The following HRNR variants were observed in gnomAD, a reference collection of about 807,000 sequenced individuals.
The protein encoded by HRNR is filaggrin family member 3.
In HRNR, 7 loss-of-function variants were observed where a neutral mutation model predicts 4.8. The ratio of observed to expected loss-of-function variants is 1.47; its 90% CI spans 0.83 to 2.75. The LOEUF (loss-of-function observed/expected upper bound fraction) is 2.75. HRNR is among the 30% of genes most tolerant of loss of function. The pLI is 0.00. For missense variants in HRNR, 2,879 were observed against 3,010.4 expected, an observed-to-expected ratio of 0.96 and a Z score of 1.02; for synonymous variants, 1,023 against 1,242.7, an observed-to-expected ratio of 0.82 and a Z score of 3.72.
In HRNR at chr1:152,218,828, T is replaced by C. The variant is rs1348196407; in HGVS notation, c.2801A>G (p.His934Arg). 5.6e-6 allele frequency: 9 copies of C among 1,612,506 alleles called. No homozygotes were observed. In the Admixed American group the frequency reaches 1.0e-4, roughly 18 times the overall value. ...SGSGQSSGFG[H>R]KSSSGQSSGY... is the part of the protein sequence containing the mutation. Reference sequence around the variant, plus strand: ...AGAGGACTGCCCTGAGCTAGACTTGTGACCAAAGCCAGAAGACTGGCCTGA... The same window carrying C: ...AGAGGACTGCCCTGAGCTAGACTTGCGACCAAAGCCAGAAGACTGGCCTGA... The change falls in exon 3 of 3, where the codon CAC (histidine) becomes CGC (arginine). Residue 934 changes from histidine to arginine, a missense_variant. Coordinates refer to ENST00000368801, the MANE Select transcript of HRNR (RefSeq NM_001009931.3).
chr1:152,219,146 T>G lies in HRNR; in HGVS notation c.2483A>C (p.Tyr828Ser). The change falls in exon 3 of 3, where the codon TAT becomes TCT. Residue 828 changes from tyrosine to serine, a missense_variant. Around this residue, in one of 8 missense-constraint regions of HRNR, gnomAD observed 2,646 missense variants for 1,377.7 expected, o/e 1.92. Coordinates refer to ENST00000368801, the MANE Select transcript of HRNR (RefSeq NM_001009931.3). Reference sequence around the variant, plus strand: ...ACCTGAGGCAGAACCATGCTGACTATAGCCCTGTCCTGAGCCAGACTCGTG... The same window carrying G: ...ACCTGAGGCAGAACCATGCTGACTAGAGCCCTGTCCTGAGCCAGACTCGTG... ...GQHESGSGQG[Y>S]SQHGSASGHF... 1 of 1,613,306 alleles carries G rather than the reference T, an allele frequency of 6.2e-7. No homozygotes were observed. Among genetic ancestry groups the G allele is most frequent in the South Asian group, 1.1e-5 (1 of 91,022 alleles).
At position 152,213,149 on chromosome 1, in the gene HRNR, T is replaced by C. The variant is rs763851660; in HGVS notation, c.8480A>G (p.Tyr2827Cys). 2 of 1,613,966 alleles carry C rather than the reference T, an allele frequency of 1.2e-6. No homozygotes were observed. The highest frequency in any genetic ancestry group is 1.1e-5 in the South Asian group (1 of 91,074). The part of the protein sequence containing the change: ...SNHDGGSSGS[Y>C]FLSFPSSTSP... ...AGTGCTACTAGGAAAACTGAGAAAA[T>C]ATGAGCCAGAACTTCCCCCATCATG... The change falls in exon 3 of 3, where the codon TAT becomes TGT. Residue 2827 changes from tyrosine to cysteine, a missense_variant. Coordinates refer to ENST00000368801, the MANE Select transcript of HRNR (RefSeq NM_001009931.3).
chr1:152,220,333 C>T lies in HRNR; in HGVS notation c.1296G>A (p.Gly432=), dbSNP rs772319115. The T allele has an allele frequency of 1.9e-6, 3 of 1,613,140 alleles. No homozygotes were observed. The highest frequency in any genetic ancestry group is 1.1e-5 in the South Asian group (1 of 90,676). Residue 432 remains glycine (G), a synonymous_variant, in exon 3 of 3, where the codon GGG becomes GGA. Transcript: ENST00000368801. ...GGCCGGAGCTGGGAGACTGCCCTGA[C>T]CCAGACCCACGCTGGCCGTGGCCTG... is the stretch of plus-strand genomic sequence containing the variant. ...QSPGHGQRGS[G]SGQSPSSGQH... is the part of the protein sequence containing the mutation.
Position 152,220,076 on chromosome 1 carries a change from C to G in HRNR, c.1553G>C (p.Gly518Ala). 6.2e-7 allele frequency: 1 copy of G among 1,613,756 alleles called. No homozygotes were observed. Among genetic ancestry groups the G allele is most frequent in the Non-Finnish European group, 8.5e-7 (1 of 1,179,798 alleles). Residue 518 changes from glycine to alanine, a missense_variant, in exon 3 of 3, where the codon GGT becomes GCT. Physicochemically the swap from Gly to Ala is moderately conservative, Grantham distance 60. Transcript: ENST00000368801. ...TTGACGGGAGCCAGACCCATGCTGA[C>G]CATAGCTGGAAGATGAACCTGCACT... is the stretch of plus-strand genomic sequence containing the variant. The part of the protein sequence containing the change: ...GSSAGSSSSY[G>A]QHGSGSRQSL...
chr1:152,218,845 C>G lies in HRNR; in HGVS notation c.2784G>C (p.Gln928His), dbSNP rs199549819. ...TAGACTTGTGACCAAAGCCAGAAGACTGGCCTGAGCCAGACCCATGTCGGC... is the reference window on the plus strand; with the variant it reads ...TAGACTTGTGACCAAAGCCAGAAGAGTGGCCTGAGCCAGACCCATGTCGGC... The part of the protein sequence containing the change: ...SSGRHGSGSG[Q>H]SSGFGHKSSS... Residue 928 changes from glutamine (Q) to histidine (H), a missense_variant, in exon 3 of 3, where the codon CAG (glutamine) becomes CAC (histidine). Physicochemically the swap from Gln to His is conservative, Grantham distance 24. This residue lies in a region of HRNR where 2,646 missense variants were observed against 1,377.7 expected (regional missense o/e 1.92). Coordinates refer to ENST00000368801, the MANE Select transcript of HRNR (RefSeq NM_001009931.3). 281 of 1,613,872 alleles carry G rather than the reference C, an allele frequency of 1.7e-4. 2 individuals carry two copies. The highest frequency in any genetic ancestry group is 1.6e-3 in the South Asian group (145 of 91,048).
At position 152,220,003 on chromosome 1, in the gene HRNR, G is replaced by A. The variant is rs149026865; in HGVS notation, c.1626C>T (p.Ser542=). The change falls in exon 3 of 3, where the codon AGC becomes AGT. Residue 542 remains serine, a synonymous_variant. Coordinates refer to ENST00000368801, the MANE Select transcript of HRNR (RefSeq NM_001009931.3). The part of the protein sequence containing the change: ...RHGSGSGQSP[S]PSRGRHESGS... ...CAGACTCATGTCGGCCACGGCTAGG[G>A]CTAGGAGACTGGCCAGATCCAGACC... 2.7e-5 allele frequency: 44 copies of A among 1,611,490 alleles called. No individual in the cohort carries two copies. In the South Asian group the frequency reaches 4.5e-4, roughly 17 times the overall value.
chr1:152,219,581 C>T lies in HRNR; in HGVS notation c.2048G>A (p.Gly683Asp), dbSNP rs139815460. 5.6e-6 allele frequency: 9 copies of T among 1,611,476 alleles called. No homozygotes were observed. In the African/African-American group the frequency reaches 1.2e-4, roughly 22 times the overall value. ...SSYGQHGSGS[G>D]WSSSNGPHGS... ...ATGTGGGCCATTGCTTGAAGACCAA[C>T]CGGAGCCAGACCCATGTTGGCCGTA... is the stretch of plus-strand genomic sequence containing the variant. The change falls in exon 3 of 3, where the codon GGT becomes GAT. Residue 683 changes from glycine (G) to aspartate (D), a missense_variant. This residue lies in a region of HRNR where 2,646 missense variants were observed against 1,377.7 expected (regional missense o/e 1.92). Transcript: ENST00000368801.
Position 152,219,138 on chromosome 1 carries a change from G to C in HRNR, c.2491C>G (p.His831Asp). ...GAGAAGTGACCTGAGGCAGAACCAT[G>C]CTGACTATAGCCCTGTCCTGAGCCA... ...ESGSGQGYSQ[H>D]GSASGHFSSQ... Residue 831 changes from histidine (H) to aspartate (D), a missense_variant, in exon 3 of 3, where the codon CAT becomes GAT. This residue lies in a region of HRNR where 2,646 missense variants were observed against 1,377.7 expected (regional missense o/e 1.92). Transcript: ENST00000368801. 1 of 1,613,918 alleles carries C rather than the reference G, an allele frequency of 6.2e-7. No individual in the cohort carries two copies. Among genetic ancestry groups the C allele is most frequent in the Non-Finnish European group, 8.5e-7 (1 of 1,179,994 alleles).
Position 152,218,527 on chromosome 1 carries a change from A to G in HRNR, c.3102T>C (p.Ser1034=). The change falls in exon 3 of 3, where the codon TCT becomes TCC. Residue 1034 remains serine (S), a synonymous_variant. Transcript: ENST00000368801. The stretch of plus-strand genomic sequence containing the variant: ...CAGACTCATATGGGCCACGGCTTGA[A>G]GACCACCCTGAGCCAGACCTATATG... The part of the protein sequence containing the change: ...YGPYRSGSGW[S]SSRGPYESGS... The G allele has an allele frequency of 6.2e-7, 1 of 1,613,774 alleles. No homozygotes were observed. The highest frequency in any genetic ancestry group is 8.5e-7 in the Non-Finnish European group (1 of 1,179,960).
In HRNR at chr1:152,219,053, G is replaced by T; in HGVS notation, c.2576C>A (p.Ser859Tyr). ...GQSSSSGQHD[S>Y]SSGQSSSYGQ... is the part of the protein sequence containing the mutation. Reference sequence around the variant, plus strand: ...ATAGCTGGAAGATTGACCTGAGCTAGAGTCATGTTGGCCGGAGCTTGATGA... The same window carrying T: ...ATAGCTGGAAGATTGACCTGAGCTATAGTCATGTTGGCCGGAGCTTGATGA... The change falls in exon 3 of 3, where the codon TCT becomes TAT. Residue 859 changes from serine (S) to tyrosine (Y), a missense_variant. Coordinates refer to ENST00000368801, the MANE Select transcript of HRNR (RefSeq NM_001009931.3). The T allele has an allele frequency of 6.2e-7, 1 of 1,613,964 alleles. No individual in the cohort carries two copies. The highest frequency in any genetic ancestry group is 8.5e-7 in the Non-Finnish European group (1 of 1,180,008).
At position 152,223,214 on chromosome 1, in the gene HRNR, C is replaced by T; in HGVS notation, c.40G>A (p.Val14Ile). The change falls in exon 2 of 3, where the codon GTT becomes ATT. Residue 14 changes from valine (V) to isoleucine (I), a missense_variant. By Grantham distance (29) the Val-to-Ile change is conservative (BLOSUM62 3). This residue lies in a region of HRNR where 2,646 missense variants were observed against 1,377.7 expected (regional missense o/e 1.92). Coordinates refer to ENST00000368801, the MANE Select transcript of HRNR (RefSeq NM_001009931.3). ...LLQGVITVIDVFYQYATQHGE... is the reference protein window; with the variant it reads ...LLQGVITVIDIFYQYATQHGE... ...TGCTGGGTGGCATATTGGTAGAAAACATCGATGACAGTGATGACGCCTTGT... is the reference window on the plus strand; with the variant it reads ...TGCTGGGTGGCATATTGGTAGAAAATATCGATGACAGTGATGACGCCTTGT... 1.2e-6 allele frequency: 2 copies of T among 1,613,376 alleles called. No homozygotes were observed. Among genetic ancestry groups the T allele is most frequent in the Middle Eastern group, 1.7e-4 (1 of 6,058 alleles).
chr1:152,221,004 C>G lies in HRNR; in HGVS notation c.625G>C (p.Gly209Arg). ...CTGGAAGACTGTCCGGAGCCAGAGC[C>G]GTGTTGGCCATAGTTGGGAGACTGC... ...SGQSPNYGQH[G>R]SGSGQSSSND... Residue 209 changes from glycine to arginine, a missense_variant, in exon 3 of 3, where the codon GGC becomes CGC. Transcript: ENST00000368801. The G allele has an allele frequency of 6.2e-7, 1 of 1,614,154 alleles. No individual in the cohort carries two copies. Among genetic ancestry groups the G allele is most frequent in the Non-Finnish European group, 8.5e-7 (1 of 1,180,024 alleles).
Position 152,219,544 on chromosome 1 carries a change from T to G in HRNR, c.2085A>C (p.Ser695=). 6.2e-7 allele frequency: 1 copy of G among 1,613,556 alleles called. No individual in the cohort carries two copies. The highest frequency in any genetic ancestry group is 8.5e-7 in the Non-Finnish European group (1 of 1,179,922). Residue 695 remains serine (S), a synonymous_variant, in exon 3 of 3, where the codon TCA becomes TCC. Coordinates refer to ENST00000368801, the MANE Select transcript of HRNR (RefSeq NM_001009931.3). ...SSSNGPHGSV[S]GQSSGFGHKS... Reference sequence around the variant, plus strand: ...TGTGACCAAAGCCGGAAGACTGGCCTGAGACAGACCCATGTGGGCCATTGC... The same window carrying G: ...TGTGACCAAAGCCGGAAGACTGGCCGGAGACAGACCCATGTGGGCCATTGC...
intron 1 of HRNR, among the ~76,000 whole-genome samples, 160 bp downstream of exon 1, chr1:152,223,983 T>C (rs1177268835): frequency 6.6e-6 from 1 of 152,208 alleles, no homozygotes; most frequent in Non-Finnish European, 1.5e-5. Context: ...TAGTCTTTGT[T>C]TCATTTTTCT....
At chr1:152,221,604 C>T (rs1365475988) in intron 2 of HRNR, 114 bp from the exon 3 acceptor site, 1 of 755,498 alleles carries the variant, frequency 1.3e-6, no homozygotes, top group Non-Finnish European at 2.2e-6. Context: ...ATATGGAACT[C>T]ATTCACACAG....
Position 152,218,709 on chromosome 1 carries a change from C to A in HRNR, c.2920G>T (p.Gly974Ter), listed in dbSNP as rs1452451137. 32 of 1,613,772 alleles carry A rather than the reference C, an allele frequency of 2.0e-5. No homozygotes were observed. Among genetic ancestry groups the A allele is most frequent in the Non-Finnish European group, 2.6e-5 (31 of 1,180,012 alleles). The change falls in exon 3 of 3, where the codon GGA becomes TGA. Residue 974 changes from glycine to a stop codon, truncating the protein, a stop_gained. Transcript: ENST00000368801. LOFTEE classifies it low-confidence loss of function (END_TRUNC). Reference sequence around the variant, plus strand: ...CTGGAAGACGAACCTGAGCTAGATCCATGTTGTTCGCTCCTAGATGACTGT... The same window carrying A: ...CTGGAAGACGAACCTGAGCTAGATCAATGTTGTTCGCTCCTAGATGACTGT... Reference protein sequence around the residue: ...SGQSSRSEQHGSSSGSSSSYG... With the variant: ...SGQSSRSEQH
In HRNR at chr1:152,218,614, C is replaced by G. The variant is rs377241041; in HGVS notation, c.3015G>C (p.Gln1005His). Reference sequence around the variant, plus strand: ...GTCGGCCACGGCTAGGGCTAGGAGACTGGCCAGATCCAGACCCATGTTGGC... The same window carrying G: ...GTCGGCCACGGCTAGGGCTAGGAGAGTGGCCAGATCCAGACCCATGTTGGC... ...GHGQHGSGSG[Q>H]SPSPSRGRHG... Residue 1005 changes from glutamine to histidine, a missense_variant, in exon 3 of 3, where the codon CAG (glutamine) becomes CAC (histidine). Gln to His is a conservative substitution (Grantham distance 24). Transcript: ENST00000368801. 25 of 1,612,894 alleles carry G rather than the reference C, an allele frequency of 1.6e-5. No individual in the cohort carries two copies. The highest frequency in any genetic ancestry group is 1.6e-4 in the Middle Eastern group (1 of 6,076).
intron 1 of HRNR, 108 bp from the exon 2 acceptor site, chr1:152,223,386 G>GATTAA: frequency 1.5e-6 from 1 of 650,530 alleles, no homozygotes; most frequent in Non-Finnish European, 2.5e-6. Flanking sequence ...AGTCAGTCAT[G>GATTAA]ATTAAATTCA....
chr1:152,220,179 C>G lies in HRNR; in HGVS notation c.1450G>C (p.Gly484Arg). 3.7e-6 allele frequency: 6 copies of G among 1,613,128 alleles called. No homozygotes were observed. Among genetic ancestry groups the G allele is most frequent in the South Asian group, 1.1e-5 (1 of 90,986 alleles). The change falls in exon 3 of 3, where the codon GGC becomes CGC. Residue 484 changes from glycine (G) to arginine (R), a missense_variant. Coordinates refer to ENST00000368801, the MANE Select transcript of HRNR (RefSeq NM_001009931.3). ...CCGTGGCCGGAGGAGTGACCTGAGC[C>G]AGATCCATGCTGAGTGTAACCAGAG... is the stretch of plus-strand genomic sequence containing the variant. Reference protein sequence around the residue: ...HSSGYTQHGSGSGHSSGHGQH... With the variant: ...HSSGYTQHGSRSGHSSGHGQH...
Sources: gnomAD v4.1 joint callset for allele counts (sites outside exome capture counted in the v4.1 genomes callset) on GRCh38, gnomAD v4.1.1 for gene constraint, gnomAD v4.1.1 regional missense constraint, MANE v1.5 for transcripts, NCBI Gene and HGNC (gene_info 2026-07-23, HGNC 2026-07-21) for gene names.